Variants in UBASH3B observed in about 807,000 individuals in gnomAD.
The protein encoded by UBASH3B is ubiquitin-associated and SH3 domain-containing protein B.
UBASH3B carries 37 observed loss-of-function variants against 83.4 expected under a neutral mutation model. The observed-to-expected ratio is 0.44, with a 90% confidence interval of 0.34 to 0.58. The LOEUF (loss-of-function observed/expected upper bound fraction) is 0.58, where lower values mean the gene tolerates loss of function less well. UBASH3B is among the 20% of genes least tolerant of loss of function. UBASH3B has a pLI of 0.01. For missense variants in UBASH3B, 657 were observed against 827.2 expected, an observed-to-expected ratio of 0.79 and a Z score of 2.52; for synonymous variants, 304 against 318.3, an observed-to-expected ratio of 0.96 and a Z score of 0.48.
intron 11 of UBASH3B, among the ~76,000 whole-genome samples, chr11:122,805,399 G>A (rs1241524725): frequency 6.6e-6 from 1 of 152,168 alleles, no homozygotes; most frequent in Non-Finnish European, 1.5e-5. Context: ...GGGTGTGGTG[G>A]CGCATGCCTC....
intron 1 of UBASH3B, among the ~76,000 whole-genome samples, chr11:122,691,090 G>C (rs571050765): frequency 6.6e-6 from 1 of 152,284 alleles, no homozygotes; most frequent in East Asian, 1.9e-4. Flanking sequence ...GCAAATGAAA[G>C]GTCATGGTTA....
intron 1 of UBASH3B, among the ~76,000 whole-genome samples, chr11:122,762,122 CCA>C (rs1436846309): frequency 6.6e-6 from 1 of 152,036 alleles, no homozygotes; most frequent in Non-Finnish European, 1.5e-5. Flanking sequence ...ATGGCAAAAA[CCA>C]CAGTTACTTT....
At chr11:122,779,410 C>T in intron 3 of UBASH3B, 87 bp from the exon 4 acceptor site, 1 of 1,461,434 alleles carries the variant, frequency 6.8e-7, no homozygotes, top group South Asian at 1.1e-5. Flanking sequence ...CTCCTCCAGT[C>T]TCTGGGGAGA....
intron 1 of UBASH3B, among the ~76,000 whole-genome samples, chr11:122,722,566 G>A (rs1006921485): frequency 7.9e-5 from 12 of 152,074 alleles, no homozygotes; most frequent in Admixed American, 5.9e-4. Flanking sequence ...TGAGTTCTTT[G>A]GTCTCTAAGC....
rs910380318 is a variant in UBASH3B at position 122,732,401 on chromosome 11, G to A, written c.162-43818G>A. On this transcript the variant is annotated intron_variant, in intron 1 of 13. Transcript: ENST00000284273. Reference sequence around the variant, plus strand: ...GGAGGCTAAGGCATATTTATGAGTTGGTTCGCTTGATTTATTATTTGTAAA... The same window carrying A: ...GGAGGCTAAGGCATATTTATGAGTTAGTTCGCTTGATTTATTATTTGTAAA... Among the ~76,000 whole-genome samples the A allele has an allele frequency of 3.3e-5, 5 of 152,148 alleles. No homozygotes were observed. The South Asian group carries it at 8.3e-4, about 25-fold the overall frequency.
Position 122,778,203 on chromosome 11 carries a change from A to G in UBASH3B, c.402+993A>G, listed in dbSNP as rs542617678. On this transcript the variant is annotated intron_variant, in intron 3 of 13. Transcript: ENST00000284273. The stretch of plus-strand genomic sequence containing the variant: ...AAATATTTTGCTTTCTTCCCCAGAT[A>G]TATTCTCTCTCTTTTTCTCTCTCTC... 1.5e-3 allele frequency among the ~76,000 whole-genome samples: 231 copies of G among 152,292 alleles called. 1 individual carries two copies. In the South Asian group the frequency reaches 0.026, roughly 17 times the overall value.
intron 11 of UBASH3B, among the ~76,000 whole-genome samples, chr11:122,803,470 G>A (rs529578213): frequency 1.2e-4 from 19 of 152,276 alleles, no homozygotes; most frequent in African/African-American, 4.3e-4. Context: ...ACTGAAAGCC[G>A]AGTTAGGGAA....
chr11:122,711,081 T>C (rs1333546794), intron 1 of UBASH3B, among the ~76,000 whole-genome samples: 1 of 152,176 alleles, frequency 6.6e-6, no homozygotes, highest in Non-Finnish European at 1.5e-5. Context: ...ACGAGATTCA[T>C]GGAAGGAAGC....
In UBASH3B at chr11:122,810,617, A is replaced by C. The variant is rs572777671; in HGVS notation, c.*731A>C. The C allele has an allele frequency of 1.3e-5, 2 of 152,622 alleles. No homozygotes were observed. The highest frequency in any genetic ancestry group is 4.1e-4 in the South Asian group (2 of 4,824). 9.5% of individuals were successfully genotyped at this position (152,622 alleles called of 1,614,324 possible). A position where few individuals can be genotyped will look rare whatever the true frequency, so the allele number is the denominator to read the frequency against. On this transcript the variant is annotated 3_prime_UTR_variant, in exon 14 of 14. Coordinates refer to ENST00000284273, the MANE Select transcript of UBASH3B (RefSeq NM_032873.5). ...AGCACTTTTGGATACTCAGGAGGAAAGATAAGATACATGTTTGAAGTATTC... is the reference window on the plus strand; with the variant it reads ...AGCACTTTTGGATACTCAGGAGGAACGATAAGATACATGTTTGAAGTATTC...
chr11:122,769,215 GGA>G (rs1860603027), intron 1 of UBASH3B, among the ~76,000 whole-genome samples: 3 of 152,086 alleles, frequency 2.0e-5, no homozygotes, highest in Non-Finnish European at 4.4e-5. Flanking sequence ...AGAGAAGAAG[GGA>G]GAGAGAGAGG....
chr11:122,705,053 C>T (rs1449556370), intron 1 of UBASH3B, among the ~76,000 whole-genome samples: 1 of 152,180 alleles, frequency 6.6e-6, no homozygotes, highest in African/African-American at 2.4e-5. Context: ...TATGTTTGGG[C>T]CTTGGCTCTG....
rs1166826386 is a variant in UBASH3B at position 122,806,822 on chromosome 11, C to T, written c.1702+306C>T. On this transcript the variant is annotated intron_variant, in intron 12 of 13. Transcript: ENST00000284273. The surrounding 1 kb of genome is among the most constrained non-coding windows in gnomAD (Gnocchi z 4.0). ...AATTTCCAAAAGCTCTAGCATGCCACTGTTTTGCCTATAATTGATGCAGCG... is the reference window on the plus strand; with the variant it reads ...AATTTCCAAAAGCTCTAGCATGCCATTGTTTTGCCTATAATTGATGCAGCG... Among the ~76,000 whole-genome samples the T allele has an allele frequency of 6.6e-6, 1 of 152,190 alleles. No individual in the cohort carries two copies. Among genetic ancestry groups the T allele is most frequent in the African/African-American group, 2.4e-5 (1 of 41,432 alleles).
chr11:122,656,049 C>T lies in UBASH3B; in HGVS notation c.-1C>T. ...CCCTGGCGATGGCTGGCCGCTGAGC[C>T]ATGGCTCAGTACGGCCACCCCAGTC... On this transcript the variant is annotated 5_prime_UTR_variant, in exon 1 of 14. Coordinates refer to ENST00000284273, the MANE Select transcript of UBASH3B (RefSeq NM_032873.5). The T allele has an allele frequency of 6.3e-7, 1 of 1,589,586 alleles. No homozygotes were observed. Among genetic ancestry groups the T allele is most frequent in the Non-Finnish European group, 8.5e-7 (1 of 1,169,600 alleles).
At chr11:122,790,486 G>C (rs891490064) in intron 6 of UBASH3B, among the ~76,000 whole-genome samples, 2 of 152,214 alleles carry the variant, frequency 1.3e-5, no homozygotes, top group South Asian at 2.1e-4. Context: ...ATATAAGCTG[G>C]GTTTCCAAAG....
intron 6 of UBASH3B, among the ~76,000 whole-genome samples, chr11:122,791,715 C>A (rs1861057598): frequency 1.3e-5 from 2 of 152,290 alleles, no homozygotes; most frequent in South Asian, 4.1e-4. Context: ...TCAAGCATGG[C>A]CTGGCTGGCA....
At chr11:122,792,977 G>A (rs999039174) in intron 6 of UBASH3B, among the ~76,000 whole-genome samples, 2 of 152,146 alleles carry the variant, frequency 1.3e-5, no homozygotes, top group African/African-American at 4.8e-5. Context: ...GATAGAATGA[G>A]TCTATCACTT....
chr11:122,782,925 G>A (rs1308995968), intron 4 of UBASH3B, 128 bp from the exon 5 acceptor site: 17 of 1,138,298 alleles, frequency 1.5e-5, no homozygotes, highest in African/African-American at 4.7e-5. Context: ...GGAGAGAAAC[G>A]TCTTTTGTCT....
At chr11:122,775,609 C>G (rs918286939) in intron 1 of UBASH3B, 2 of 151,944 alleles carry the variant, frequency 1.3e-5, no homozygotes. Flanking sequence ...CCTGTCTCTA[C>G]AAAAATAAAA....
At position 122,742,035 on chromosome 11, in the gene UBASH3B, C is replaced by T. The variant is rs1861034158; in HGVS notation, c.162-34184C>T. ...GTGGAGCAGAATCCTGAGGACCCCT[C>T]CCTACCTCCTCACAAAACTAGCACA... On this transcript the variant is annotated intron_variant, in intron 1 of 13. Transcript: ENST00000284273. Among the ~76,000 whole-genome samples the T allele has an allele frequency of 2.0e-5, 3 of 152,204 alleles. No homozygotes were observed. The South Asian group carries it at 6.2e-4, about 32-fold the overall frequency.
Sources: allele counts gnomAD v4.1 joint callset (sites outside exome capture counted in the v4.1 genomes callset), GRCh38; gene constraint gnomAD v4.1.1; non-coding constraint Gnocchi (gnomAD v3.1); transcripts MANE v1.5; gene names NCBI Gene and HGNC (gene_info 2026-07-23, HGNC 2026-07-21).